ACACB: variants seen among roughly 807,000 people sequenced by gnomAD.
ACACB encodes the protein acetyl-CoA carboxylase 2.
ACACB carries 209 observed loss-of-function variants against 278.8 expected under a neutral mutation model. The ratio of observed to expected loss-of-function variants is 0.75; its 90% CI spans 0.67 to 0.84. The LOEUF is 0.84. Among genes scored for constraint, ACACB ranks in the 40% least tolerant of loss-of-function variants. ACACB has a pLI of 0.00. For synonymous variants in ACACB, 1,174 were observed against 1,285.6 expected (o/e 0.91, Z 1.86); for missense variants, 2,850 against 3,269.0 (o/e 0.87, Z 3.13).
At chr12:109,227,846 A>G (rs2046357462) in intron 28 of ACACB, among the ~76,000 whole-genome samples, 1 of 152,132 alleles carries the variant, frequency 6.6e-6, no homozygotes, top group South Asian at 2.1e-4. Context: ...CAGCCTGGCC[A>G]ACATGGTGAA....
chr12:109,187,497 G>A (rs2044705327), intron 12 of ACACB, among the ~76,000 whole-genome samples: 2 of 151,522 alleles, frequency 1.3e-5, no homozygotes, highest in Non-Finnish European at 2.9e-5. Context: ...TTCTTGCTCT[G>A]TCACCCAGGC....
At chr12:109,234,527 A>G (rs2046576476) in intron 31 of ACACB, among the ~76,000 whole-genome samples, 1 of 152,142 alleles carries the variant, frequency 6.6e-6, no homozygotes, top group South Asian at 2.1e-4. Context: ...ATACAATGTG[A>G]TATTTTTTAA....
At chr12:109,187,711 C>T (rs1490702636) in intron 12 of ACACB, among the ~76,000 whole-genome samples, 3 of 152,058 alleles carry the variant, frequency 2.0e-5, no homozygotes, top group Non-Finnish European at 4.4e-5. Context: ...CCTCCTACCT[C>T]TGCCTCCCAA....
In ACACB at chr12:109,206,690, T is replaced by C. The variant is rs772612304; in HGVS notation, c.2914-20T>C. ...TTCCCAGAGTTTTCCTGACCTGTCGTTCTTGTGGTGTCTCATCAGGCTGAA... is the reference window on the plus strand; with the variant it reads ...TTCCCAGAGTTTTCCTGACCTGTCGCTCTTGTGGTGTCTCATCAGGCTGAA... On this transcript the variant is annotated intron_variant, in intron 19 of 52. Transcript: ENST00000338432. 2 of 1,613,274 alleles carry C rather than the reference T, an allele frequency of 1.2e-6. No homozygotes were observed. The highest frequency in any genetic ancestry group is 3.3e-5 in the Admixed American group (2 of 59,992).
At position 109,233,772 on chromosome 12, in the gene ACACB, C is replaced by T. The variant is rs2046547655; in HGVS notation, c.4164C>T (p.Cys1388=). 4 of 1,614,166 alleles carry T rather than the reference C, an allele frequency of 2.5e-6. No individual in the cohort carries two copies. The highest frequency in any genetic ancestry group is 4.5e-5 in the East Asian group (2 of 44,874). ...FTRNFDEVIS[C]FANVPKDTPL... ...GAAATTTTGATGAAGTCATCTCTTG[C>T]TTCGCCAACGTGCCCAAAGACACCC... Residue 1388 remains cysteine, a synonymous_variant, in exon 30 of 53, where the codon TGC becomes TGT. Coordinates refer to ENST00000338432, the MANE Select transcript of ACACB (RefSeq NM_001093.4).
At chr12:109,239,787 T>G in intron 34 of ACACB, 43 bp from the exon 35 acceptor site, 1 of 1,558,612 alleles carries the variant, frequency 6.4e-7, no homozygotes, top group Non-Finnish European at 8.7e-7. Flanking sequence ...GGAGTAGGCC[T>G]GCACCCCTGG....
At chr12:109,251,993 G>A (rs1425241629) in intron 41 of ACACB, 53 bp from the exon 42 acceptor site, 4 of 1,381,866 alleles carry the variant, frequency 2.9e-6, no homozygotes, top group Middle Eastern at 4.0e-4. Context: ...CCTGCTGTGG[G>A]GGGTGGGTCC....
intron 2 of ACACB, among the ~76,000 whole-genome samples, chr12:109,140,970 C>T (rs1035292947): frequency 7.0e-6 from 1 of 141,846 alleles, no homozygotes; most frequent in Admixed American, 7.6e-5. Flanking sequence ...AGGATCATAG[C>T]TCACTACAAC....
intron 21 of ACACB, among the ~76,000 whole-genome samples, chr12:109,210,013 A>G (rs1456727156): frequency 8.0e-6 from 1 of 124,404 alleles, no homozygotes; most frequent in African/African-American, 3.2e-5. Flanking sequence ...ATGTGTATAT[A>G]TACACACGTG....
chr12:109,199,400 A>T lies in ACACB; in HGVS notation c.2628-2A>T, dbSNP rs2045254973. The T allele has an allele frequency of 1.3e-6, 2 of 1,481,834 alleles. No homozygotes were observed. Among genetic ancestry groups the T allele is most frequent in the Non-Finnish European group, 1.8e-6 (2 of 1,110,994 alleles). The allele number at this position is 1,481,834 out of a possible 1,614,324, so 91.8% of individuals were successfully genotyped here. A position where few individuals can be genotyped will look rare whatever the true frequency, so the allele number is the denominator to read the frequency against. On this transcript the variant is annotated splice_acceptor_variant, in intron 17 of 52. Coordinates refer to ENST00000338432, the MANE Select transcript of ACACB (RefSeq NM_001093.4). LOFTEE classifies it high-confidence loss of function. ...CCCTACCCGACTCCTCCTCTCTCCC[A>T]GTTACCGAATTACCATCGGCAATAA...
At chr12:109,157,272 GTTATTA>G (rs71079530) in intron 2 of ACACB, among the ~76,000 whole-genome samples, 15 of 143,184 alleles carry the variant, frequency 1.0e-4, no homozygotes, top group Middle Eastern at 3.6e-3. Flanking sequence ...TTCTAGAGTT[GTTATTA>G]TTATTATTAT....
chr12:109,259,577 AAAAAAC>A (rs201240409), intron 47 of ACACB, among the ~76,000 whole-genome samples: 2,208 of 137,706 alleles, frequency 0.016, 53 homozygotes, highest in African/African-American at 0.053. Context: ...AAAAAAAACA[AAAAAAC>A]AAAAAAAAAA....
In ACACB at chr12:109,239,986, G is replaced by A; in HGVS notation, c.4818+1G>A. On this transcript the variant is annotated splice_donor_variant, in intron 35 of 52. Coordinates refer to ENST00000338432, the MANE Select transcript of ACACB (RefSeq NM_001093.4). LOFTEE classifies it high-confidence loss of function. ...CACTGTCATCATGGACCCCTTCAAG[G>A]TCTCGCCTTTGCAGGGGGGCTCTCA... The A allele has an allele frequency of 1.9e-6, 3 of 1,613,302 alleles. No individual in the cohort carries two copies. The highest frequency in any genetic ancestry group is 2.5e-6 in the Non-Finnish European group (3 of 1,179,600).
intron 2 of ACACB, among the ~76,000 whole-genome samples, chr12:109,140,687 T>C (rs531313226): frequency 6.6e-6 from 1 of 152,156 alleles, no homozygotes; most frequent in East Asian, 1.9e-4. Context: ...AAATCATTCC[T>C]TGTGCATCTA....
rs4766516 is a variant in ACACB, at chr12:109,167,925, C to T, written c.816C>T (p.Ala272=). 0.2 allele frequency: 328,674 copies of T among 1,613,306 alleles called. 36,864 individuals carry two copies. The highest frequency in any genetic ancestry group is 0.51 in the East Asian group (22,805 of 44,722). ...TTATTGCCAACAACGGGATTGCCGC[C>T]GTGAAGTGCATGCGCTCCATCCGCA... The part of the protein sequence containing the change: ...KVLIANNGIA[A]VKCMRSIRRW... The change falls in exon 4 of 53, where the codon GCC becomes GCT. Residue 272 remains alanine (A), a synonymous_variant. Transcript: ENST00000338432.
intron 41 of ACACB, among the ~76,000 whole-genome samples, chr12:109,251,552 A>T (rs1441284388): frequency 2.6e-5 from 4 of 152,238 alleles, no homozygotes; most frequent in Non-Finnish European, 5.9e-5. Context: ...GTTATAAGAT[A>T]CTACAGAGAA....
At chr12:109,173,781 A>G (rs867171946) in intron 6 of ACACB, among the ~76,000 whole-genome samples, 2 of 152,182 alleles carry the variant, frequency 1.3e-5, no homozygotes, top group Middle Eastern at 3.2e-3. Context: ...CTCTTTATAG[A>G]AAGAGTTTGC....
chr12:109,206,940 G>A (rs2136373836), intron 20 of ACACB, 84 bp downstream of exon 20: 2 of 1,471,558 alleles, frequency 1.4e-6, no homozygotes, highest in South Asian at 1.2e-5. Context: ...TCATTATTGA[G>A]TAAGAAATGA....
At chr12:109,128,207 G>C (rs1360362548) in intron 1 of ACACB, among the ~76,000 whole-genome samples, 1 of 152,156 alleles carries the variant, frequency 6.6e-6, no homozygotes, top group Admixed American at 6.6e-5. Context: ...GCAGTGCAGT[G>C]GTGTGATCTC....
Sources: gnomAD v4.1 joint callset for allele counts (sites outside exome capture counted in the v4.1 genomes callset) on GRCh38, gnomAD v4.1.1 for gene constraint, MANE v1.5 for transcripts, NCBI Gene and HGNC (gene_info 2026-07-23, HGNC 2026-07-21) for gene names.